Variants in RIMBP2 observed in about 807,000 individuals in gnomAD.
RIMBP2 encodes RIMS-binding protein 2.
RIMBP2 carries 48 observed loss-of-function variants against 118.6 expected under a neutral mutation model. The observed-to-expected ratio is 0.40, with a 90% CI of 0.32 to 0.51. The LOEUF is 0.51. Among genes scored for constraint, RIMBP2 ranks in the 20% least tolerant of loss-of-function variants. The pLI, the probability that RIMBP2 is intolerant of heterozygous loss-of-function variation, is 0.41. For missense variants in RIMBP2, 1,551 were observed against 1,768.3 expected, an observed-to-expected ratio of 0.88 and a Z score of 2.20; for synonymous variants, 762 against 742.9, an observed-to-expected ratio of 1.03 and a Z score of -0.42.
chr12:130,487,739 G>C (rs1432179250), intron 4 of RIMBP2, among the ~76,000 whole-genome samples: 1 of 152,168 alleles, frequency 6.6e-6, no homozygotes, highest in Admixed American at 6.5e-5. Context: ...CCTTGTCCAT[G>C]AGAACCACAG....
chr12:130,605,890 C>G (rs2060152604), intron 2 of RIMBP2, among the ~76,000 whole-genome samples: 1 of 151,934 alleles, frequency 6.6e-6, no homozygotes, highest in Non-Finnish European at 1.5e-5. Context: ...GTGGTAAAAC[C>G]CCATCTCTAC....
At chr12:130,635,022 C>CCCT (rs1318487091) in intron 1 of RIMBP2, among the ~76,000 whole-genome samples, 2 of 152,312 alleles carry the variant, frequency 1.3e-5, no homozygotes, top group African/African-American at 4.8e-5. Flanking sequence ...GATGAGAAGA[C>CCCT]CCTAGCCAGG....
At chr12:130,685,216 T>C (rs926745596) in intron 1 of RIMBP2, among the ~76,000 whole-genome samples, 6 of 152,116 alleles carry the variant, frequency 3.9e-5, no homozygotes, top group African/African-American at 1.2e-4. Flanking sequence ...ACAGTAATGA[T>C]AGGATTAAGA....
intron 1 of RIMBP2, among the ~76,000 whole-genome samples, chr12:130,645,413 G>A (rs1398749909): frequency 6.6e-6 from 1 of 152,204 alleles, no homozygotes; most frequent in African/African-American, 2.4e-5. Flanking sequence ...TACAGACATT[G>A]GAGTTACTCC....
chr12:130,673,220 G>T (rs1034282883), intron 1 of RIMBP2, among the ~76,000 whole-genome samples: 1 of 152,228 alleles, frequency 6.6e-6, no homozygotes, highest in Non-Finnish European at 1.5e-5. Context: ...GAGGAGGTGG[G>T]TGCCTCGCCG....
rs528818519 is a variant in RIMBP2, at chr12:130,476,228, G to A, written c.102+2684C>T. The stretch of plus-strand genomic sequence containing the variant: ...CCACTGGACCGTAAGCTCATGCATG[G>A]GTGACACTAACAAAAGCCACTTGTT... On this transcript the variant is annotated intron_variant, in intron 5 of 22. Coordinates refer to ENST00000690449, the MANE Select transcript of RIMBP2 (RefSeq NM_001393629.1). 1.1e-4 allele frequency among the ~76,000 whole-genome samples: 16 copies of A among 152,272 alleles called. No individual in the cohort carries two copies. The South Asian group carries it at 2.3e-3, about 22-fold the overall frequency.
In RIMBP2 at chr12:130,511,884, C is replaced by T. The variant is rs2138938292; in HGVS notation, c.-126-5114G>A. ...GGACAGGAGCCCCTGGGCCCTGGCT[C>T]CTTCTCCAGGCAGCTGCCTCTGGCC... On this transcript the variant is annotated intron_variant, in intron 3 of 22. Transcript: ENST00000690449. The surrounding 1 kb of genome is among the most constrained non-coding windows in gnomAD (Gnocchi z 4.3). 6.6e-6 allele frequency among the ~76,000 whole-genome samples: 1 copy of T among 152,212 alleles called. No homozygotes were observed. The highest frequency in any genetic ancestry group is 1.5e-5 in the Non-Finnish European group (1 of 68,010).
intron 4 of RIMBP2, among the ~76,000 whole-genome samples, chr12:130,499,228 G>T (rs761168190): frequency 1.3e-5 from 2 of 152,122 alleles, no homozygotes; most frequent in Admixed American, 6.5e-5. Context: ...CTCCCACCAG[G>T]TCTCTTCCCC....
At chr12:130,425,039 G>A (rs372431180) in intron 15 of RIMBP2, 181 bp from the exon 16 acceptor site, 11 of 405,326 alleles carry the variant, frequency 2.7e-5, no homozygotes, top group African/African-American at 2.1e-4. Context: ...AAACAGAATG[G>A]GTTACGGGGC....
chr12:130,551,825 A>T (rs938066158), intron 2 of RIMBP2, among the ~76,000 whole-genome samples: 44 of 152,232 alleles, frequency 2.9e-4, no homozygotes, highest in African/African-American at 1.0e-3. Context: ...CTTTTCCACA[A>T]AGGGGCCTTC....
chr12:130,542,002 C>T (rs970021144), intron 2 of RIMBP2, among the ~76,000 whole-genome samples: 2 of 152,228 alleles, frequency 1.3e-5, no homozygotes, highest in Non-Finnish European at 1.5e-5. Flanking sequence ...TAAGTGGAGG[C>T]ATCGCCTCAG....
At chr12:130,633,354 G>A (rs1001121591) in intron 1 of RIMBP2, among the ~76,000 whole-genome samples, 6 of 152,140 alleles carry the variant, frequency 3.9e-5, no homozygotes, top group African/African-American at 1.4e-4. Context: ...CCAGTTCTGT[G>A]ATGCTTAAAC....
In RIMBP2 at chr12:130,512,603, GT is replaced by G. The variant is rs2051033986; in HGVS notation, c.-127+5224del. Among the ~76,000 whole-genome samples the G allele has an allele frequency of 2.0e-5, 3 of 152,200 alleles. No individual in the cohort carries two copies. In the South Asian group the frequency reaches 6.2e-4, roughly 32 times the overall value. On this transcript the variant is annotated intron_variant, in intron 3 of 22. Coordinates refer to ENST00000690449, the MANE Select transcript of RIMBP2 (RefSeq NM_001393629.1). ...CTCCCAAAGTGCTGGGATTACAGGC[GT>G]GAGCCACCGCACCCGGCCTGGGTCC...
chr12:130,398,998 T>G, intron 22 of RIMBP2: 2 of 457,652 alleles, frequency 4.4e-6, no homozygotes, highest in Non-Finnish European at 3.8e-6. Flanking sequence ...TTGAGACATA[T>G]TTCTTTGTAT....
intron 2 of RIMBP2, among the ~76,000 whole-genome samples, chr12:130,572,802 T>C (rs2057783574): frequency 6.6e-6 from 1 of 151,964 alleles, no homozygotes; most frequent in South Asian, 2.1e-4. Flanking sequence ...CAGGACGACC[T>C]GTATGCACTG....
chr12:130,536,643 G>A lies in RIMBP2; in HGVS notation c.-216-18726C>T, dbSNP rs2054110515. On this transcript the variant is annotated intron_variant, in intron 2 of 22. Coordinates refer to ENST00000690449, the MANE Select transcript of RIMBP2 (RefSeq NM_001393629.1). Reference sequence around the variant, plus strand: ...ATAGAAGTTGTTGCAGGTCCCTGCTGTCCAATATGGTGGCCACCAGCCATG... The same window carrying A: ...ATAGAAGTTGTTGCAGGTCCCTGCTATCCAATATGGTGGCCACCAGCCATG... Among the ~76,000 whole-genome samples the A allele has an allele frequency of 3.9e-5, 6 of 152,168 alleles. 1 individual carries two copies. In the South Asian group the frequency reaches 8.3e-4, roughly 21 times the overall value.
intron 1 of RIMBP2, among the ~76,000 whole-genome samples, chr12:130,650,950 GT>G (rs60984430): frequency 8.9e-4 from 112 of 126,362 alleles, no homozygotes; most frequent in African/African-American, 2.9e-3. Context: ...ACACAGCCTT[GT>G]TTTTTTTAAA....
At chr12:130,537,815 G>A (rs1336316191) in intron 2 of RIMBP2, among the ~76,000 whole-genome samples, 1 of 152,206 alleles carries the variant, frequency 6.6e-6, no homozygotes, top group Non-Finnish European at 1.5e-5. Flanking sequence ...GCCTAGCATG[G>A]AGAAGTCATT....
chr12:130,619,262 A>C (rs568531391), intron 2 of RIMBP2, among the ~76,000 whole-genome samples: 1 of 152,346 alleles, frequency 6.6e-6, no homozygotes, highest in East Asian at 1.9e-4. Context: ...ACATTACAGC[A>C]GGTCACACAG....
Sources: allele counts gnomAD v4.1 joint callset (sites outside exome capture counted in the v4.1 genomes callset), GRCh38; gene constraint gnomAD v4.1.1; non-coding constraint Gnocchi (gnomAD v3.1); transcripts MANE v1.5; gene names NCBI Gene and HGNC (gene_info 2026-07-23, HGNC 2026-07-21).